CELF2: variants seen among roughly 807,000 people sequenced by gnomAD.
CELF2 encodes the protein CUG triplet repeat RNA-binding protein 2.
In CELF2, 8 loss-of-function variants were observed where a neutral mutation model predicts 62.6. That is an observed-to-expected ratio of 0.13 (90% CI 0.07 to 0.23). The LOEUF (loss-of-function observed/expected upper bound fraction) is 0.23. CELF2 is among the 10% of genes least tolerant of loss of function. The pLI is 1.00. For missense variants in CELF2, 333 were observed against 671.0 expected, an observed-to-expected ratio of 0.50 and a Z score of 5.56; for synonymous variants, 258 against 250.0, an observed-to-expected ratio of 1.03 and a Z score of -0.30.
chr10:10,787,786 A>G, the CELF2 span, among the ~76,000 whole-genome samples: 4 of 152,054 alleles, frequency 2.6e-5, no homozygotes, highest in East Asian at 5.8e-4. Flanking sequence ...TGCATTCTAT[A>G]TTCCCCTTTC....
chr10:10,606,912 T>A, the CELF2 span, among the ~76,000 whole-genome samples: 1 of 152,212 alleles, frequency 6.6e-6, no homozygotes, highest in African/African-American at 2.4e-5. Flanking sequence ...AAGAACTAAC[T>A]GTGTACCCTG....
At chr10:10,728,115 G>T in the CELF2 span, among the ~76,000 whole-genome samples, 1 of 151,224 alleles carries the variant, frequency 6.6e-6, no homozygotes, top group Non-Finnish European at 1.5e-5. Context: ...AAATGAGAAT[G>T]ATTTTTTTTT....
chr10:10,739,024 C>A, the CELF2 span, among the ~76,000 whole-genome samples: 2 of 151,986 alleles, frequency 1.3e-5, no homozygotes, highest in Non-Finnish European at 2.9e-5. Flanking sequence ...TACAACTCTT[C>A]TAAAAATTAA....
At chr10:10,467,174 G>C in the CELF2 span, among the ~76,000 whole-genome samples, 175 of 152,124 alleles carry the variant, frequency 1.2e-3, 2 homozygotes, top group African/African-American at 4.1e-3. Context: ...GAAATGCTAA[G>C]ATTTTTCTCC....
intron 2 of CELF2, among the ~76,000 whole-genome samples, chr10:11,166,692 G>A (rs2067309337): frequency 6.6e-6 from 1 of 152,084 alleles, no homozygotes; most frequent in Non-Finnish European, 1.5e-5. Flanking sequence ...TTTCTATATT[G>A]CTTCTCCTAA....
chr10:10,911,919 A>G (rs7893951), intron 1 of CELF2, among the ~76,000 whole-genome samples: 129,774 of 152,220 alleles, frequency 0.85, 55,420 homozygotes, highest in East Asian at 0.94. Context: ...GATGTAAAGT[A>G]TCTCTTGTCG....
chr10:10,762,868 C>A, the CELF2 span, among the ~76,000 whole-genome samples: 35 of 152,112 alleles, frequency 2.3e-4, no homozygotes, highest in Non-Finnish European at 4.0e-4. Context: ...ATAGCAAGAC[C>A]CTGTCTCTAC....
chr10:10,829,643 C>T (rs1251017665), intron 1 of CELF2, among the ~76,000 whole-genome samples: 1 of 152,120 alleles, frequency 6.6e-6, no homozygotes, highest in South Asian at 2.1e-4. Context: ...GGCTTTGGGA[C>T]ATAAGGTGCT....
the CELF2 span, among the ~76,000 whole-genome samples, chr10:10,651,362 A>G: frequency 1.3e-4 from 20 of 148,758 alleles, no homozygotes; most frequent in East Asian, 1.9e-4. Context: ...ACTGGGTGGA[A>G]CCCACCACAG....
chr10:10,785,579 G>A, the CELF2 span, among the ~76,000 whole-genome samples: 2 of 152,142 alleles, frequency 1.3e-5, no homozygotes, highest in African/African-American at 4.8e-5. Context: ...GTGACAACAT[G>A]GATGAACCTG....
rs35482385 is a variant in CELF2 at position 10,979,672 on chromosome 10, C to CAAA, written c.89+59696_89+59698dup. Among the ~76,000 whole-genome samples the CAAA allele has an allele frequency of 7.6e-3, 526 of 68,888 alleles. 3 individuals carry two copies. Among genetic ancestry groups the CAAA allele is most frequent in the African/African-American group, 0.022 (456 of 21,200 alleles). The allele number at this position is 68,888 out of a possible 152,430, so 45.2% of individuals were successfully genotyped here. The stretch of plus-strand genomic sequence containing the variant: ...GGCGATAGAGCCAGACCTTGTCTCT[C>CAAA]AAAAAAAAAAAAAAAAAAAAAAAAA... On this transcript the variant is annotated intron_variant, in intron 2 of 13. Coordinates refer to the CELF2 transcript ENST00000636488.
intron 1 of CELF2, among the ~76,000 whole-genome samples, chr10:11,120,101 G>T (rs1374158315): frequency 6.6e-6 from 1 of 152,124 alleles, no homozygotes; most frequent in Non-Finnish European, 1.5e-5. Context: ...GTTCATTTGA[G>T]TCAGCAAGCA....
Position 11,026,417 on chromosome 10 carries a change from C to G in CELF2, c.74+8254C>G, listed in dbSNP as rs80348185. 9.1e-4 allele frequency among the ~76,000 whole-genome samples: 139 copies of G among 152,268 alleles called. 4 individuals are homozygous for G. In the East Asian group the frequency reaches 0.026, roughly 28 times the overall value. ...ACCCAGGTGTTTTCTCTTTGGAACT[C>G]GGGGGGAAGACATTGGGTATCAAGT... On this transcript the variant is annotated intron_variant, in intron 1 of 12. Coordinates refer to ENST00000633077, the MANE Select transcript of CELF2 (RefSeq NM_001326342.2).
chr10:11,112,058 T>C (rs905583011), intron 1 of CELF2, among the ~76,000 whole-genome samples: 3 of 152,224 alleles, frequency 2.0e-5, no homozygotes, highest in Non-Finnish European at 4.4e-5. Context: ...CAGTTTTGGC[T>C]TTCAAGGAGA....
At chr10:10,933,520 A>G (rs2066311964) in intron 2 of CELF2, among the ~76,000 whole-genome samples, 1 of 152,138 alleles carries the variant, frequency 6.6e-6, no homozygotes, top group African/African-American at 2.4e-5. Context: ...TCACCCTATT[A>G]TGCAATAGAG....
chr10:10,663,938 A>G, the CELF2 span, among the ~76,000 whole-genome samples: 1 of 152,218 alleles, frequency 6.6e-6, no homozygotes, highest in Non-Finnish European at 1.5e-5. Flanking sequence ...TTTGAAAGAG[A>G]AATTGACTTT....
chr10:10,677,503 A>G, the CELF2 span, among the ~76,000 whole-genome samples: 2 of 152,212 alleles, frequency 1.3e-5, no homozygotes, highest in African/African-American at 4.8e-5. Flanking sequence ...TGAAAAATGC[A>G]TATCCCTGGG....
At chr10:11,068,456 GT>G (rs2068745454) in intron 1 of CELF2, among the ~76,000 whole-genome samples, 1 of 152,132 alleles carries the variant, frequency 6.6e-6, no homozygotes, top group Non-Finnish European at 1.5e-5. Context: ...TAATTTTGGA[GT>G]TTCTTTTATG....
chr10:11,215,727 C>T (rs2063179518), intron 2 of CELF2, among the ~76,000 whole-genome samples: 1 of 152,088 alleles, frequency 6.6e-6, no homozygotes, highest in Admixed American at 6.5e-5. Context: ...TTGCTAGAAG[C>T]GTTTAGTAAG....
Sources: allele counts gnomAD v4.1 joint callset (sites outside exome capture counted in the v4.1 genomes callset), GRCh38; gene constraint gnomAD v4.1.1; transcripts MANE v1.5; gene names NCBI Gene and HGNC (gene_info 2026-07-23, HGNC 2026-07-21).